MYH14: variants seen among roughly 807,000 people sequenced by gnomAD.
MYH14 encodes the protein myosin-14.
In MYH14, 123 loss-of-function variants were observed where a neutral mutation model predicts 255.5. The ratio of observed to expected loss-of-function variants is 0.48; its 90% confidence interval spans 0.42 to 0.56. The LOEUF is 0.56. Ranked by LOEUF, MYH14 falls within the 20% of genes least tolerant of loss-of-function variation. The pLI is 0.00. For synonymous variants in MYH14, 1,095 were observed against 1,161.2 expected, an observed-to-expected ratio of 0.94 and a Z score of 1.16; for missense variants, 2,423 against 2,802.3, an observed-to-expected ratio of 0.86 and a Z score of 3.06.
chr19:50,257,856 C>T (rs2034648944), intron 18 of MYH14, among the ~76,000 whole-genome samples: 1 of 152,134 alleles, frequency 6.6e-6, no homozygotes, highest in African/African-American at 2.4e-5. Flanking sequence ...TTGATCTGGT[C>T]AGTGAAGTTA....
At chr19:50,210,860 G>C (rs2032159853) in intron 2 of MYH14, 90 bp downstream of exon 2, 2 of 1,507,608 alleles carry the variant, frequency 1.3e-6, no homozygotes, top group African/African-American at 1.4e-5. Context: ...GCATTAACTT[G>C]AGGCTGTTTA....
chr19:50,291,279 TTTTG>T (rs1212837223), intron 36 of MYH14, among the ~76,000 whole-genome samples: 1 of 152,106 alleles, frequency 6.6e-6, no homozygotes, highest in Non-Finnish European at 1.5e-5. Context: ...TTCCTCATTT[TTTTG>T]TTTGTTTCTT....
chr19:50,296,480 G>A (rs7250387), intron 39 of MYH14, among the ~76,000 whole-genome samples: 4,339 of 152,212 alleles, frequency 0.029, 242 homozygotes, highest in African/African-American at 0.098. Flanking sequence ...TGGCGGGCAC[G>A]CCTGCGGCCC....
At chr19:50,281,900 G>A in intron 33 of MYH14, 58 bp downstream of exon 33, 7 of 1,564,422 alleles carry the variant, frequency 4.5e-6, no homozygotes, top group Non-Finnish European at 6.1e-6. Context: ...CGCTTCCCAT[G>A]GTCGTTGTGA....
At chr19:50,262,804 G>A (rs995402891) in intron 21 of MYH14, among the ~76,000 whole-genome samples, 7 of 152,146 alleles carry the variant, frequency 4.6e-5, no homozygotes, top group South Asian at 2.1e-4. Context: ...TGGGCAGAGA[G>A]AGTCGGGAGC....
intron 6 of MYH14, 147 bp from the exon 7 acceptor site, chr19:50,225,438 G>A (rs966013180): frequency 2.3e-5 from 14 of 613,490 alleles, no homozygotes; most frequent in South Asian, 7.8e-5. Flanking sequence ...GGCAAGACCC[G>A]GATATGGGAA....
intron 40 of MYH14, among the ~76,000 whole-genome samples, chr19:50,303,039 T>C (rs1441887424): frequency 6.6e-6 from 1 of 152,226 alleles, no homozygotes; most frequent in Non-Finnish European, 1.5e-5. Context: ...ACTACGAGTA[T>C]TATTTACGTA....
intron 2 of MYH14, among the ~76,000 whole-genome samples, chr19:50,215,047 G>A (rs965023601): frequency 3.9e-5 from 6 of 152,116 alleles, no homozygotes; most frequent in African/African-American, 9.7e-5. Flanking sequence ...TCAGAGCCCC[G>A]AGGGCTGGAG....
At chr19:50,245,454 AAG>A (rs1181877766) in intron 11 of MYH14, among the ~76,000 whole-genome samples, 7 of 148,308 alleles carry the variant, frequency 4.7e-5, no homozygotes, top group Non-Finnish European at 7.5e-5. Flanking sequence ...AAAGAAAAAG[AAG>A]AAGAAAGAAA....
intron 27 of MYH14, among the ~76,000 whole-genome samples, chr19:50,274,775 T>C (rs1257260071): frequency 2.0e-5 from 3 of 151,964 alleles, no homozygotes; most frequent in African/African-American, 4.8e-5. Flanking sequence ...CAAAAAACTT[T>C]TAAAAATTAG....
chr19:50,299,772 C>T (rs1204071015), intron 39 of MYH14, among the ~76,000 whole-genome samples: 1 of 151,648 alleles, frequency 6.6e-6, no homozygotes, highest in Non-Finnish European at 1.5e-5. Flanking sequence ...TGGTAAAACC[C>T]CATCTCTACT....
In MYH14 at chr19:50,293,897, G is replaced by A. The variant is rs191648795; in HGVS notation, c.5469+210G>A. ...TAAATCCAAAGATGAATTATGTGGG[G>A]AAACAGACATGGGCCAGCAAGTGTG... is the stretch of plus-strand genomic sequence containing the variant. On this transcript the variant is annotated intron_variant, in intron 39 of 42. Coordinates refer to ENST00000642316, the MANE Select transcript of MYH14 (RefSeq NM_001145809.2). The surrounding 1 kb of genome is among the most constrained non-coding windows in gnomAD (Gnocchi z 4.1). Among the ~76,000 whole-genome samples, 872 of 152,240 alleles carry A rather than the reference G, an allele frequency of 5.7e-3. 11 individuals carry two copies. The highest frequency in any genetic ancestry group is 0.02 in the African/African-American group (832 of 41,546).
At chr19:50,228,045 A>G (rs900350993) in intron 8 of MYH14, among the ~76,000 whole-genome samples, 95 of 152,218 alleles carry the variant, frequency 6.2e-4, no homozygotes, top group African/African-American at 2.1e-3. Flanking sequence ...GCACTTTGGG[A>G]GGCCAAGGCC....
chr19:50,268,439 C>T (rs1256126200), intron 24 of MYH14, 72 bp downstream of exon 24: 1 of 1,456,238 alleles, frequency 6.9e-7, no homozygotes, highest in Non-Finnish European at 9.3e-7. Context: ...TTTGCTTCTA[C>T]AAACCGTGTG....
At chr19:50,292,035 G>C (rs1302004778) in intron 36 of MYH14, among the ~76,000 whole-genome samples, 1 of 152,178 alleles carries the variant, frequency 6.6e-6, no homozygotes, top group Non-Finnish European at 1.5e-5. Context: ...CTGCCTTCTA[G>C]TTCTCAGCCA....
At position 50,266,807 on chromosome 19, in the gene MYH14, C is replaced by CA; in HGVS notation, c.2695-67dup. ...GAGAAGGGATTTGAACCCAGAAACT[C>CA]AAACCCCACTAAGAGTGTGAGGTCT... is the stretch of plus-strand genomic sequence containing the variant. On this transcript the variant is annotated intron_variant, in intron 22 of 42. Coordinates refer to ENST00000642316, the MANE Select transcript of MYH14 (RefSeq NM_001145809.2). The surrounding 1 kb of genome is among the most constrained non-coding windows in gnomAD (Gnocchi z 4.1). 1.3e-6 allele frequency: 2 copies of CA among 1,541,096 alleles called. No individual in the cohort carries two copies. The highest frequency in any genetic ancestry group is 1.8e-6 in the Non-Finnish European group (2 of 1,138,672).
Position 50,257,387 on chromosome 19 carries a change from G to A in MYH14, c.2133G>A (p.Val711=). 2 of 1,608,696 alleles carry A rather than the reference G, an allele frequency of 1.2e-6. No homozygotes were observed. Among genetic ancestry groups the A allele is most frequent in the Non-Finnish European group, 1.7e-6 (2 of 1,177,528 alleles). ...CCCGTCGGGGTATGTTCCGGACAGT[G>A]GGACAGCTCTACAAGGAGTCCCTGA... ...GRPRRGMFRT[V]GQLYKESLSR... Residue 711 remains valine (V), a synonymous_variant, in exon 18 of 43, where the codon GTG becomes GTA. Coordinates refer to ENST00000642316, the MANE Select transcript of MYH14 (RefSeq NM_001145809.2).
chr19:50,208,347 A>G (rs2031944521), intron 1 of MYH14, among the ~76,000 whole-genome samples: 3 of 152,236 alleles, frequency 2.0e-5, no homozygotes, highest in Admixed American at 2.0e-4. Flanking sequence ...ACCGGGAGGC[A>G]GAGGTTGCAG....
rs749683080 is a variant in MYH14 at position 50,249,079 on chromosome 19, C to G, written c.1422C>G (p.Ser474Arg). 1 of 1,606,426 alleles carries G rather than the reference C, an allele frequency of 6.2e-7. No homozygotes were observed. The highest frequency in any genetic ancestry group is 1.3e-5 in the African/African-American group (1 of 74,808). The change falls in exon 13 of 43, where the codon AGC becomes AGG. Residue 474 changes from serine to arginine, a missense_variant. Coordinates refer to ENST00000642316, the MANE Select transcript of MYH14 (RefSeq NM_001145809.2). The part of the protein sequence containing the change: ...VLRLNRALDR[S>R]PRQGASFLGI... ...GCCTCAACCGGGCCTTGGACCGCAG[C>G]CCCCGCCAAGGCGCCTCCTTCCTGG...
Sources: gnomAD v4.1 joint callset for allele counts (sites outside exome capture counted in the v4.1 genomes callset) on GRCh38, gnomAD v4.1.1 for gene constraint, Gnocchi (gnomAD v3.1) non-coding constraint, MANE v1.5 for transcripts, NCBI Gene and HGNC (gene_info 2026-07-23, HGNC 2026-07-21) for gene names.